The following CAST variants were observed in gnomAD, a reference collection of about 807,000 sequenced individuals.
CAST encodes the protein MIR583 host.
A neutral mutation model predicts 119.6 loss-of-function variants in CAST; 76 were observed. The observed-to-expected ratio is 0.64, with a 90% CI of 0.53 to 0.77. The LOEUF is 0.77. CAST is among the 30% of genes least tolerant of loss of function. The pLI, the probability that CAST is intolerant of heterozygous loss-of-function variation, is 0.00. For synonymous variants in CAST, 319 were observed against 331.6 expected (o/e 0.96, Z 0.41); for missense variants, 953 against 946.5 (o/e 1.01, Z -0.09).
At chr5:96,446,238 T>C in the CAST span, among the ~76,000 whole-genome samples, 1 of 152,134 alleles carries the variant, frequency 6.6e-6, no homozygotes, top group Non-Finnish European at 1.5e-5. Flanking sequence ...AACCCCTCAT[T>C]TGGTCTACAT....
chr5:96,310,554 G>A, the CAST span, among the ~76,000 whole-genome samples: 4 of 125,458 alleles, frequency 3.2e-5, no homozygotes, highest in Non-Finnish European at 7.1e-5. Context: ...AAGCAATCAG[G>A]TCTTAGGCTT....
chr5:96,267,047 C>T, the CAST span, among the ~76,000 whole-genome samples: 2 of 152,046 alleles, frequency 1.3e-5, no homozygotes, highest in African/African-American at 2.4e-5. Flanking sequence ...GTATTAGAGG[C>T]TCTCAATAGC....
the CAST span, among the ~76,000 whole-genome samples, chr5:96,037,053 TC>T: frequency 3.9e-5 from 6 of 152,106 alleles, no homozygotes; most frequent in African/African-American, 1.2e-4. Context: ...GGTAATCTAG[TC>T]TTGACACTAA....
chr5:96,510,315 T>C, the CAST span, among the ~76,000 whole-genome samples: 2 of 152,224 alleles, frequency 1.3e-5, no homozygotes, highest in African/African-American at 4.8e-5. Context: ...TAAGAGTCTT[T>C]GCTCCAGTAG....
chr5:96,638,458 A>C (rs1250678296), intron 1 of CAST, among the ~76,000 whole-genome samples: 1 of 152,188 alleles, frequency 6.6e-6, no homozygotes, highest in African/African-American at 2.4e-5. Flanking sequence ...AAGCAATGGC[A>C]TTACTAGGCC....
At chr5:96,281,675 A>C in the CAST span, among the ~76,000 whole-genome samples, 12 of 152,188 alleles carry the variant, frequency 7.9e-5, no homozygotes, top group African/African-American at 2.9e-4. Flanking sequence ...CAGATGCGCG[A>C]GGAGAGAAGT....
At chr5:96,428,375 G>T in the CAST span, among the ~76,000 whole-genome samples, 1 of 152,098 alleles carries the variant, frequency 6.6e-6, no homozygotes. Context: ...GATATCAGGC[G>T]AATCAGGATA....
At chr5:96,002,936 T>C in the CAST span, among the ~76,000 whole-genome samples, 4 of 152,220 alleles carry the variant, frequency 2.6e-5, no homozygotes, top group African/African-American at 9.6e-5. Flanking sequence ...ACTTTCTTAG[T>C]ATTTATTTTC....
chr5:95,995,026 A>C, the CAST span, among the ~76,000 whole-genome samples: 1 of 152,270 alleles, frequency 6.6e-6, no homozygotes, highest in South Asian at 2.1e-4. Context: ...AAACCATTCT[A>C]TCCTGAGGAT....
chr5:96,221,272 T>G, the CAST span, among the ~76,000 whole-genome samples: 1 of 152,002 alleles, frequency 6.6e-6, no homozygotes, highest in Non-Finnish European at 1.5e-5. Flanking sequence ...GCCAGAGCAA[T>G]CAGGCAAGAG....
At chr5:96,678,259 T>G (rs1750934518) in intron 2 of CAST, among the ~76,000 whole-genome samples, 1 of 152,232 alleles carries the variant, frequency 6.6e-6, no homozygotes, top group African/African-American at 2.4e-5. Flanking sequence ...TGGTTTTTAG[T>G]AATCCATTTT....
intron 1 of CAST, among the ~76,000 whole-genome samples, chr5:96,534,826 AAAG>A (rs1387436483): frequency 2.0e-5 from 3 of 146,394 alleles, no homozygotes; most frequent in Non-Finnish European, 4.5e-5. Flanking sequence ...GAAAGAAAAG[AAAG>A]AAGGAAAGAA....
chr5:96,393,313 G>A, the CAST span: 136 of 1,613,694 alleles, frequency 8.4e-5, no homozygotes, highest in South Asian at 1.2e-3. Context: ...GGCCCCCTAC[G>A]CTGCTGCTGC....
chr5:96,586,808 A>G (rs1343225455), intron 1 of CAST, among the ~76,000 whole-genome samples: 1 of 152,242 alleles, frequency 6.6e-6, no homozygotes, highest in African/African-American at 2.4e-5. Flanking sequence ...TTGAGAAGAC[A>G]ATTAATAATC....
At chr5:96,161,341 G>T in the CAST span, among the ~76,000 whole-genome samples, 1 of 152,194 alleles carries the variant, frequency 6.6e-6, no homozygotes, top group East Asian at 1.9e-4. Context: ...ATATTGTTGA[G>T]TTGTAAAAGT....
At chr5:95,992,297 A>T in the CAST span, among the ~76,000 whole-genome samples, 1 of 152,234 alleles carries the variant, frequency 6.6e-6, no homozygotes, top group Non-Finnish European at 1.5e-5. Context: ...ATTCCAATCA[A>T]AATCCTAGCA....
chr5:96,233,426 G>A, the CAST span, among the ~76,000 whole-genome samples: 1 of 152,014 alleles, frequency 6.6e-6, no homozygotes, highest in Non-Finnish European at 1.5e-5. Context: ...TATGTGGCAA[G>A]TAACTTGTGT....
At chr5:96,321,404 A>G in the CAST span, among the ~76,000 whole-genome samples, 2 of 152,144 alleles carry the variant, frequency 1.3e-5, no homozygotes, top group African/African-American at 4.8e-5. Flanking sequence ...CTGCAAACTC[A>G]TAAAACAGTA....
At chr5:96,075,390 C>A in the CAST span, among the ~76,000 whole-genome samples, 1 of 152,166 alleles carries the variant, frequency 6.6e-6, no homozygotes, top group Non-Finnish European at 1.5e-5. Context: ...ACATTTTGAG[C>A]TTTCATGGTA....
Sources: gnomAD v4.1 joint callset for allele counts (sites outside exome capture counted in the v4.1 genomes callset) on GRCh38, gnomAD v4.1.1 for gene constraint, MANE v1.5 for transcripts, NCBI Gene and HGNC (gene_info 2026-07-23, HGNC 2026-07-21) for gene names.